The following SPTLC1 variants were observed in gnomAD, a reference collection of about 807,000 sequenced individuals.
SPTLC1 encodes serine palmitoyltransferase 1.
In SPTLC1, 55 loss-of-function variants were observed where a neutral mutation model predicts 68.9. That is an observed-to-expected ratio of 0.80 (90% CI 0.64 to 1.00). SPTLC1 has a LOEUF of 1.00. Ranked by LOEUF, SPTLC1 falls within the 50% of genes least tolerant of loss-of-function variation. The pLI, the probability that SPTLC1 is intolerant of heterozygous loss-of-function variation, is 0.00. For missense variants in SPTLC1, 449 were observed against 573.1 expected, an observed-to-expected ratio of 0.78 and a Z score of 2.21; for synonymous variants, 197 against 201.6, an observed-to-expected ratio of 0.98 and a Z score of 0.19.
At position 92,034,889 on chromosome 9, in the gene SPTLC1, G is replaced by C; in HGVS notation, c.1255-6C>G. 2 of 1,612,876 alleles carry C rather than the reference G, an allele frequency of 1.2e-6. No homozygotes were observed. The highest frequency in any genetic ancestry group is 8.5e-7 in the Non-Finnish European group (1 of 1,179,736). On this transcript the variant is annotated splice_polypyrimidine_tract_variant and splice_region_variant and intron_variant, in intron 13 of 14. Coordinates refer to ENST00000262554, the MANE Select transcript of SPTLC1 (RefSeq NM_006415.4). ...GCAATACTTCTGTTCATGCACTGTA[G>C]GAAGAAAAAGAAGACATCTGCAACC...
At chr9:92,033,252 C>T (rs1833033617) in intron 14 of SPTLC1, among the ~76,000 whole-genome samples, 1 of 152,234 alleles carries the variant, frequency 6.6e-6, no homozygotes, top group African/African-American at 2.4e-5. Flanking sequence ...GGAATTCCAT[C>T]CTTCTCAAAT....
chr9:92,112,758 A>AC (rs1475790916), intron 1 of SPTLC1, among the ~76,000 whole-genome samples, 196 bp from the exon 2 acceptor site: 3 of 151,962 alleles, frequency 2.0e-5, no homozygotes, highest in Non-Finnish European at 2.9e-5. Context: ...CACATGAAAA[A>AC]CCCCTAATAT....
intron 8 of SPTLC1, chr9:92,053,979 A>G (rs1399312823): frequency 2.0e-6 from 2 of 985,278 alleles, no homozygotes; most frequent in African/African-American, 3.5e-5. Flanking sequence ...TGCTGCTTTC[A>G]CTATTAAAAA....
chr9:92,099,500 G>C, intron 3 of SPTLC1, among the ~76,000 whole-genome samples: 1 of 139,274 alleles, frequency 7.2e-6, no homozygotes, highest in East Asian at 2.1e-4. Context: ...TTTTTTTTAA[G>C]ACAGGGTCTG....
chr9:92,052,265 A>T (rs906867916), intron 8 of SPTLC1, among the ~76,000 whole-genome samples: 1 of 152,236 alleles, frequency 6.6e-6, no homozygotes, highest in African/African-American at 2.4e-5. Flanking sequence ...AACAGAATAG[A>T]GTCTAGAAAT....
intron 1 of SPTLC1, among the ~76,000 whole-genome samples, chr9:92,114,330 A>C (rs543156246): frequency 4.2e-4 from 64 of 152,334 alleles, no homozygotes; most frequent in African/African-American, 1.5e-3. Flanking sequence ...GCAAGACAGC[A>C]CGGGGACTCT....
intron 3 of SPTLC1, among the ~76,000 whole-genome samples, chr9:92,087,684 G>A (rs1464178656): frequency 3.9e-5 from 6 of 151,908 alleles, no homozygotes; most frequent in African/African-American, 1.5e-4. Context: ...AGGCTGCTCA[G>A]GGGTCAGGGG....
chr9:92,045,678 A>G (rs553159501), intron 12 of SPTLC1, among the ~76,000 whole-genome samples: 124 of 152,268 alleles, frequency 8.1e-4, no homozygotes, highest in African/African-American at 2.7e-3. Flanking sequence ...CTGTGTGTGC[A>G]GACATGGAGA....
At chr9:92,073,767 G>A (rs895866240) in intron 5 of SPTLC1, among the ~76,000 whole-genome samples, 5 of 152,198 alleles carry the variant, frequency 3.3e-5, no homozygotes, top group South Asian at 2.1e-4. Context: ...GCTGCCAGGC[G>A]GCAGCGCGCC....
At chr9:92,078,643 C>T (rs1466702597) in intron 5 of SPTLC1, among the ~76,000 whole-genome samples, 4 of 152,134 alleles carry the variant, frequency 2.6e-5, no homozygotes, top group Non-Finnish European at 4.4e-5. Flanking sequence ...CTTGTAAACA[C>T]GGGGTCTCAC....
intron 6 of SPTLC1, among the ~76,000 whole-genome samples, chr9:92,066,017 G>C (rs113232673): frequency 9.9e-5 from 15 of 152,268 alleles, no homozygotes; most frequent in African/African-American, 3.4e-4. Context: ...ACAGTTATCT[G>C]GCCCCTATTC....
intron 5 of SPTLC1, 178 bp downstream of exon 5, chr9:92,079,838 A>G (rs373977150): frequency 1.3e-5 from 9 of 679,810 alleles, no homozygotes; most frequent in East Asian, 2.7e-5. Context: ...TATTTTTTGT[A>G]GAGACAGGGT....
At chr9:92,105,990 T>G (rs1339018561) in intron 3 of SPTLC1, among the ~76,000 whole-genome samples, 1 of 137,884 alleles carries the variant, frequency 7.3e-6, no homozygotes, top group Non-Finnish European at 1.6e-5. Flanking sequence ...TGAGGAGCAC[T>G]TCTGCCCAGC....
At chr9:92,112,597 C>A in intron 1 of SPTLC1, 35 bp from the exon 2 acceptor site, 1 of 1,364,158 alleles carries the variant, frequency 7.3e-7, no homozygotes, top group South Asian at 1.2e-5. Context: ...AGATATGAAA[C>A]ATACACTTCT....
chr9:92,069,486 C>T (rs967136773), intron 5 of SPTLC1, among the ~76,000 whole-genome samples: 17 of 152,144 alleles, frequency 1.1e-4, no homozygotes, highest in African/African-American at 3.6e-4. Context: ...AGGTGATCTT[C>T]GAGTATAAGA....
chr9:92,059,354 C>G (rs370400836), intron 6 of SPTLC1, 46 bp from the exon 7 acceptor site: 7 of 1,608,540 alleles, frequency 4.4e-6, no homozygotes, highest in African/African-American at 1.3e-5. Flanking sequence ...AGGGTCTTGT[C>G]AACATTCTCA....
At chr9:92,060,205 T>C (rs567993882) in intron 6 of SPTLC1, among the ~76,000 whole-genome samples, 1 of 152,180 alleles carries the variant, frequency 6.6e-6, no homozygotes, top group East Asian at 1.9e-4. Context: ...GTTGGAATCA[T>C]GTCAGAGAAA....
At position 92,032,100 on chromosome 9, in the gene SPTLC1, T is replaced by C. The variant is rs1192875193; in HGVS notation, c.*365A>G. On this transcript the variant is annotated 3_prime_UTR_variant, in exon 15 of 15. Coordinates refer to ENST00000262554, the MANE Select transcript of SPTLC1 (RefSeq NM_006415.4). ...GAGTTAAGGAGTGCTTACTGAACCA[T>C]TACTATTAGAGGGAGGGAAGAGACA... is the stretch of plus-strand genomic sequence containing the variant. 5.0e-6 allele frequency: 3 copies of C among 599,044 alleles called. No homozygotes were observed. Among genetic ancestry groups the C allele is most frequent in the Admixed American group, 3.2e-5 (1 of 31,452 alleles). The allele number at this position is 599,044 out of a possible 1,614,324, so 37.1% of individuals were successfully genotyped here. A position where few individuals can be genotyped will look rare whatever the true frequency, so the allele number is the denominator to read the frequency against.
At chr9:92,065,175 A>G (rs943064384) in intron 6 of SPTLC1, among the ~76,000 whole-genome samples, 1 of 152,246 alleles carries the variant, frequency 6.6e-6, no homozygotes, top group Non-Finnish European at 1.5e-5. Flanking sequence ...GTTTAATTTT[A>G]AAAAGATCTG....
Sources: allele counts gnomAD v4.1 joint callset (sites outside exome capture counted in the v4.1 genomes callset), GRCh38; gene constraint gnomAD v4.1.1; transcripts MANE v1.5; gene names NCBI Gene and HGNC (gene_info 2026-07-23, HGNC 2026-07-21).